The following MYOF variants were observed in gnomAD, a reference collection of about 807,000 sequenced individuals.
MYOF encodes fer-1-like 3, myoferlin.
A neutral mutation model predicts 284.2 loss-of-function variants in MYOF; 244 were observed. The ratio of observed to expected loss-of-function variants is 0.86; its 90% CI spans 0.77 to 0.95. MYOF has a LOEUF of 0.95. MYOF is among the 40% of genes least tolerant of loss of function. MYOF has a pLI of 0.00. For missense variants in MYOF, 2,496 were observed against 2,560.6 expected (o/e 0.97, Z 0.54); for synonymous variants, 904 against 919.7 (o/e 0.98, Z 0.31).
chr10:93,369,382 G>A lies in MYOF; in HGVS notation c.2589+263C>T, dbSNP rs543466175. Among the ~76,000 whole-genome samples the A allele has an allele frequency of 4.6e-5, 7 of 152,086 alleles. No individual in the cohort carries two copies. In the South Asian group the frequency reaches 1.0e-3, roughly 23 times the overall value. Reference sequence around the variant, plus strand: ...TTTTCAGTATTGCTAGTAAGATTGTGGTAGAAGTGGAAGGCATCTAAGTCA... The same window carrying A: ...TTTTCAGTATTGCTAGTAAGATTGTAGTAGAAGTGGAAGGCATCTAAGTCA... On this transcript the variant is annotated intron_variant, in intron 25 of 53. Coordinates refer to ENST00000359263, the MANE Select transcript of MYOF (RefSeq NM_013451.4).
chr10:93,339,787 A>T (rs939799722), intron 39 of MYOF, among the ~76,000 whole-genome samples: 1 of 151,908 alleles, frequency 6.6e-6, no homozygotes. Context: ...TTTAGAAAAA[A>T]ATTATTCCCA....
intron 27 of MYOF, 127 bp downstream of exon 27, chr10:93,363,834 A>G: frequency 4.4e-6 from 3 of 682,758 alleles, no homozygotes; most frequent in Non-Finnish European, 7.4e-6. Context: ...CTATAAGTGG[A>G]AGACTCTTCA....
chr10:93,386,282 G>A (rs183764645), intron 19 of MYOF, among the ~76,000 whole-genome samples: 142 of 152,106 alleles, frequency 9.3e-4, no homozygotes, highest in African/African-American at 3.0e-3. Flanking sequence ...TCACTCTCCC[G>A]CCCTCTTTTT....
chr10:93,423,025 G>C (rs1178369189), intron 5 of MYOF, among the ~76,000 whole-genome samples: 1 of 152,070 alleles, frequency 6.6e-6, no homozygotes. Context: ...CAGTGTACTG[G>C]GTTGAATACT....
rs1480170939 is a variant in MYOF, at chr10:93,399,461, T to G, written c.1152A>C (p.Ile384=). 6.2e-7 allele frequency: 1 copy of G among 1,613,712 alleles called. No homozygotes were observed. Among genetic ancestry groups the G allele is most frequent in the African/African-American group, 1.3e-5 (1 of 75,072 alleles). The change falls in exon 13 of 54, where the codon ATA becomes ATC. Residue 384 remains isoleucine (I), a synonymous_variant. Transcript: ENST00000359263. ...TTTTCTTATCTGCATTGCCTCCAAA[T>G]ATTTCCTTTACTGTCTGTGAGAAGG... The part of the protein sequence containing the change: ...DDAFSQTVKE[I]FGGNADKKNL...
chr10:93,411,284 C>T (rs927816007), intron 5 of MYOF, among the ~76,000 whole-genome samples: 13 of 152,164 alleles, frequency 8.5e-5, no homozygotes, highest in African/African-American at 1.4e-4. Context: ...AAGGCACCGG[C>T]GGATTCAGTG....
chr10:93,473,103 T>C (rs1158751716), intron 1 of MYOF, among the ~76,000 whole-genome samples: 1 of 152,214 alleles, frequency 6.6e-6, no homozygotes, highest in Non-Finnish European at 1.5e-5. Flanking sequence ...AAAATTAATT[T>C]TTCGAATCCA....
At chr10:93,354,733 GCA>G (rs1844718398) in intron 31 of MYOF, among the ~76,000 whole-genome samples, 1 of 143,560 alleles carries the variant, frequency 7.0e-6, no homozygotes, top group African/African-American at 2.5e-5. Flanking sequence ...ATGATTCCGT[GCA>G]CAGATTCTGG....
chr10:93,318,251 T>G (rs1308296229), intron 49 of MYOF, among the ~76,000 whole-genome samples: 1 of 151,928 alleles, frequency 6.6e-6, no homozygotes, highest in Admixed American at 6.6e-5. Flanking sequence ...TGAAACCTTA[T>G]CTCTACAAAA....
intron 11 of MYOF, among the ~76,000 whole-genome samples, chr10:93,402,023 T>C (rs80196019): frequency 0.075 from 11,358 of 152,230 alleles, 538 homozygotes; most frequent in African/African-American, 0.12. Flanking sequence ...CTCAATTAAA[T>C]GCTCACTCAT....
At chr10:93,445,421 G>A (rs1011168696) in intron 3 of MYOF, among the ~76,000 whole-genome samples, 1 of 152,214 alleles carries the variant, frequency 6.6e-6, no homozygotes, top group African/African-American at 2.4e-5. Context: ...GCCTGCAAAG[G>A]GAACTTTCAT....
At chr10:93,428,053 G>A (rs1451356112) in intron 4 of MYOF, among the ~76,000 whole-genome samples, 2 of 151,968 alleles carry the variant, frequency 1.3e-5, no homozygotes, top group Admixed American at 1.3e-4. Context: ...AATAAAGGGA[G>A]TCCTTTGCAA....
In MYOF at chr10:93,325,895, A is replaced by G. The variant is rs754858460; in HGVS notation, c.5202T>C (p.Thr1734=). 1.2e-5 allele frequency: 20 copies of G among 1,613,978 alleles called. No homozygotes were observed. The highest frequency in any genetic ancestry group is 1.7e-5 in the Non-Finnish European group (20 of 1,180,030). Residue 1734 remains threonine (T), a synonymous_variant, in exon 46 of 54, where the codon ACT becomes ACC. Transcript: ENST00000359263. ...CCACGTGCTCAGGGACCAGCCCCTG[A>G]GTCCTGAGGATGTGAAGAGCAAGCC... ...EERLALHILR[T]QGLVPEHVET... is the part of the protein sequence containing the mutation.
Position 93,402,331 on chromosome 10 carries a change from T to C in MYOF, c.891A>G (p.Arg297=). 6.2e-7 allele frequency: 1 copy of C among 1,613,872 alleles called. No homozygotes were observed. The highest frequency in any genetic ancestry group is 8.5e-7 in the Non-Finnish European group (1 of 1,179,850). ...VYDEPGHAVM[R]KWLLLNDPED... is the part of the protein sequence containing the mutation. ...CCGGGTCATTGAGAAGAAGCCACTTTCTCATGACAGCATGGCCTAAAATAG... is the reference window on the plus strand; with the variant it reads ...CCGGGTCATTGAGAAGAAGCCACTTCCTCATGACAGCATGGCCTAAAATAG... Residue 297 remains arginine (R), a synonymous_variant, in exon 11 of 54, where the codon AGA becomes AGG. Coordinates refer to ENST00000359263, the MANE Select transcript of MYOF (RefSeq NM_013451.4).
At chr10:93,355,364 C>T (rs772600931) in intron 31 of MYOF, among the ~76,000 whole-genome samples, 13 of 152,116 alleles carry the variant, frequency 8.5e-5, no homozygotes, top group Admixed American at 2.6e-4. Context: ...TAGGCCAAGG[C>T]GGGTGGATCA....
chr10:93,409,269 G>A (rs1847782734), intron 6 of MYOF, among the ~76,000 whole-genome samples: 1 of 152,154 alleles, frequency 6.6e-6, no homozygotes, highest in African/African-American at 2.4e-5. Context: ...TCTAAGACAG[G>A]GCCCAGAGCT....
At position 93,340,065 on chromosome 10, in the gene MYOF, GC is replaced by G. The variant is rs995413394; in HGVS notation, c.4338+87del. On this transcript the variant is annotated intron_variant, in intron 39 of 53. Coordinates refer to ENST00000359263, the MANE Select transcript of MYOF (RefSeq NM_013451.4). ...ACTGCACTCCAGCCTGGGTGAAAGA[GC>G]GAGACTCCTTCTCAAAAAAAGAAAA... The G allele has an allele frequency of 1.1e-4, 154 of 1,429,686 alleles. 1 individual carries two copies. In the Middle Eastern group the frequency reaches 1.4e-3, roughly 13 times the overall value. 88.6% of individuals were successfully genotyped at this position (1,429,686 alleles called of 1,614,324 possible).
intron 4 of MYOF, among the ~76,000 whole-genome samples, chr10:93,430,150 G>A (rs1012389888): frequency 6.6e-6 from 1 of 151,596 alleles, no homozygotes; most frequent in Non-Finnish European, 1.5e-5. Context: ...TAGCCAGGAT[G>A]GTCTGGATCT....
chr10:93,477,101 C>T (rs187392249), intron 1 of MYOF, among the ~76,000 whole-genome samples: 95 of 152,286 alleles, frequency 6.2e-4, no homozygotes, highest in African/African-American at 2.2e-3. Flanking sequence ...AGAAAACCTC[C>T]GCTCAATCAC....
Sources: gnomAD v4.1 joint callset for allele counts (sites outside exome capture counted in the v4.1 genomes callset) on GRCh38, gnomAD v4.1.1 for gene constraint, MANE v1.5 for transcripts, NCBI Gene and HGNC (gene_info 2026-07-23, HGNC 2026-07-21) for gene names.